The following STK24 variants were observed in gnomAD, a reference collection of about 807,000 sequenced individuals.
The protein encoded by STK24 is serine/threonine kinase 24, also known as serine/threonine-protein kinase 24.
Under a neutral mutation model 55.6 loss-of-function variants are expected in STK24, and 21 were observed. That is an observed-to-expected ratio of 0.38 (90% CI 0.27 to 0.54). The LOEUF (loss-of-function observed/expected upper bound fraction) is 0.54, where lower values mean the gene tolerates loss of function less well. STK24 is among the 20% of genes least tolerant of loss of function. STK24 has a pLI of 0.79. For missense variants in STK24, 383 were observed against 538.4 expected, an observed-to-expected ratio of 0.71 and a Z score of 2.86; for synonymous variants, 200 against 215.2, an observed-to-expected ratio of 0.93 and a Z score of 0.62.
intron 2 of STK24, 28 bp from the exon 3 acceptor site, chr13:98,482,349 A>G (rs770343290): frequency 2.1e-6 from 3 of 1,407,720 alleles, no homozygotes; most frequent in East Asian, 2.3e-5. Flanking sequence ...GAAGAGAATC[A>G]TTTTCAAAAT....
chr13:98,475,521 A>T (rs1894333961), intron 3 of STK24, among the ~76,000 whole-genome samples, 163 bp from the exon 4 acceptor site: 1 of 152,236 alleles, frequency 6.6e-6, no homozygotes, highest in Non-Finnish European at 1.5e-5. Flanking sequence ...CAGTCCACTG[A>T]GGGACCCTTA....
intron 3 of STK24, 142 bp from the exon 4 acceptor site, chr13:98,475,500 C>T: frequency 1.6e-6 from 1 of 610,090 alleles, no homozygotes; most frequent in East Asian, 3.0e-5. Flanking sequence ...ATGATTTTGC[C>T]CTAACAATTA....
chr13:98,483,551 GC>G (rs991686580), intron 2 of STK24, among the ~76,000 whole-genome samples: 7 of 152,094 alleles, frequency 4.6e-5, no homozygotes, highest in African/African-American at 1.4e-4. Flanking sequence ...TTGAGAACAC[GC>G]CCCAACTTCC....
intron 1 of STK24, among the ~76,000 whole-genome samples, chr13:98,526,459 G>A (rs954537351): frequency 6.6e-6 from 1 of 152,136 alleles, no homozygotes; most frequent in Non-Finnish European, 1.5e-5. Context: ...TTACAGATGA[G>A]CAAACTGAGC....
At chr13:98,453,340 C>A (rs1283640622) in intron 10 of STK24, 131 bp from the exon 11 acceptor site, 76 of 879,746 alleles carry the variant, frequency 8.6e-5, no homozygotes, top group Non-Finnish European at 1.3e-4. Context: ...GAGCAAATAT[C>A]AATGTGTAAG....
chr13:98,471,452 G>A lies in STK24; in HGVS notation c.597+3369C>T, dbSNP rs368572590. ...TAGTGTTGAAACCGGAGGCTTCTTC[G>A]CAGTGAGCAGAGGTATCTCCCTTAG... On this transcript the variant is annotated intron_variant, in intron 5 of 10. Coordinates refer to ENST00000539966, the MANE Select transcript of STK24 (RefSeq NM_001032296.4). Among the ~76,000 whole-genome samples the A allele has an allele frequency of 3.3e-5, 5 of 152,274 alleles. No homozygotes were observed. The South Asian group carries it at 6.2e-4, about 19-fold the overall frequency.
At chr13:98,497,891 A>G (rs140974586) in intron 2 of STK24, among the ~76,000 whole-genome samples, 6 of 152,282 alleles carry the variant, frequency 3.9e-5, no homozygotes, top group Non-Finnish European at 7.4e-5. Context: ...TCTACCCTCA[A>G]TTCACCAAGA....
intron 1 of STK24, among the ~76,000 whole-genome samples, chr13:98,559,909 G>GC (rs1164321727): frequency 1.3e-5 from 2 of 151,064 alleles, no homozygotes; most frequent in African/African-American, 4.9e-5. Flanking sequence ...GCAGCCACTC[G>GC]AGGCTGAGGC....
intron 1 of STK24, among the ~76,000 whole-genome samples, chr13:98,569,449 T>G (rs1897679714): frequency 6.7e-6 from 1 of 149,596 alleles, no homozygotes; most frequent in African/African-American, 2.5e-5. Context: ...AAACAGATAT[T>G]CAACACAAGA....
At chr13:98,468,865 T>C (rs1010330661) in intron 5 of STK24, among the ~76,000 whole-genome samples, 8 of 152,248 alleles carry the variant, frequency 5.3e-5, no homozygotes, top group Admixed American at 5.2e-4. Flanking sequence ...CTTCTGGCTA[T>C]TTGAAACACA....
intron 10 of STK24, chr13:98,456,887 G>C (rs1893483696): frequency 1.9e-6 from 1 of 524,822 alleles, no homozygotes; most frequent in South Asian, 2.5e-5. Flanking sequence ...GCATAATTAA[G>C]AGGAAACAGG....
At chr13:98,558,541 CAT>C (rs1897333328) in intron 1 of STK24, among the ~76,000 whole-genome samples, 1 of 152,288 alleles carries the variant, frequency 6.6e-6, no homozygotes, top group South Asian at 2.1e-4. Flanking sequence ...CACCCAGAAA[CAT>C]AAAGAAAACT....
At chr13:98,530,198 A>G (rs1346917943) in intron 1 of STK24, among the ~76,000 whole-genome samples, 1 of 152,122 alleles carries the variant, frequency 6.6e-6, no homozygotes, top group Non-Finnish European at 1.5e-5. Context: ...ACACACAAAT[A>G]CTTCCAGAAA....
Position 98,446,518 on chromosome 13 carries a change from A to C in STK24, c.*6655T>G. On this transcript the variant is annotated 3_prime_UTR_variant, in exon 11 of 11. Transcript: ENST00000539966. ...CCACCCGGGCCATCACGTACAGGCAAACACTGGCTGCCATGGTCCCTTCCA... is the reference window on the plus strand; with the variant it reads ...CCACCCGGGCCATCACGTACAGGCACACACTGGCTGCCATGGTCCCTTCCA... 1 of 792,060 alleles carries C rather than the reference A, an allele frequency of 1.3e-6. No homozygotes were observed. Among genetic ancestry groups the C allele is most frequent in the Non-Finnish European group, 2.0e-6 (1 of 488,506 alleles). 49.1% of individuals were successfully genotyped at this position (792,060 alleles called of 1,614,324 possible).
rs140358626 is a variant in STK24 at position 98,539,888 on chromosome 13, C to T, written c.43-20415G>A. Among the ~76,000 whole-genome samples, 335 of 152,294 alleles carry T rather than the reference C, an allele frequency of 2.2e-3. 4 individuals carry two copies. Among genetic ancestry groups the T allele is most frequent in the African/African-American group, 7.5e-3 (311 of 41,556 alleles). On this transcript the variant is annotated intron_variant, in intron 1 of 10. Transcript: ENST00000539966. ...ACTCCATTCCCAAGAGAACAGGACA[C>T]ACAAGTCCACGCAGACACACACACA...
intron 1 of STK24, among the ~76,000 whole-genome samples, chr13:98,527,635 A>C (rs1896469376): frequency 6.6e-6 from 1 of 151,988 alleles, no homozygotes; most frequent in Non-Finnish European, 1.5e-5. Context: ...GCCTTGAACG[A>C]CTGGGGAGGG....
At chr13:98,457,329 T>G (rs9300480) in intron 9 of STK24, 25 bp from the exon 10 acceptor site, 2 of 1,613,764 alleles carry the variant, frequency 1.2e-6, no homozygotes, top group East Asian at 4.5e-5. Context: ...ACAGGAAGAA[T>G]GGCATGAAGC....
At chr13:98,565,199 C>T (rs894732928) in intron 1 of STK24, among the ~76,000 whole-genome samples, 2 of 152,052 alleles carry the variant, frequency 1.3e-5, no homozygotes, top group African/African-American at 4.8e-5. Flanking sequence ...ATCCTCGAGG[C>T]GGCAATACAC....
chr13:98,474,297 G>T (rs9584856), intron 5 of STK24, among the ~76,000 whole-genome samples: 81,193 of 151,986 alleles, frequency 0.53, 22,019 homozygotes, highest in Non-Finnish European at 0.58. Flanking sequence ...AGAATCCTCA[G>T]AACTAAAAAT....
Sources: gnomAD v4.1 joint callset for allele counts (sites outside exome capture counted in the v4.1 genomes callset) on GRCh38, gnomAD v4.1.1 for gene constraint, MANE v1.5 for transcripts, NCBI Gene and HGNC (gene_info 2026-07-23, HGNC 2026-07-21) for gene names.